The following MROH1 variants were observed in gnomAD, a reference collection of about 807,000 sequenced individuals.
The protein encoded by MROH1 is maestro heat like repeat family member 1, also known as maestro heat-like repeat-containing protein family member 1.
A neutral mutation model predicts 116.5 loss-of-function variants in MROH1; 117 were observed. That is an observed-to-expected ratio of 1.00 (90% confidence interval 0.86 to 1.17). The LOEUF (loss-of-function observed/expected upper bound fraction) is 1.17. Ranked by LOEUF, MROH1 falls within the 50% of genes most tolerant of loss-of-function variation. MROH1 has a pLI of 0.00. For synonymous variants in MROH1, 921 were observed against 583.9 expected (o/e 1.58, Z -8.32); for missense variants, 1,873 against 1,338.5 (o/e 1.40, Z -6.23).
chr8:144,257,773 G>A (rs1057051522), intron 35 of MROH1, among the ~76,000 whole-genome samples: 1,996 of 152,352 alleles, frequency 0.013, 42 homozygotes, highest in African/African-American at 0.045. Context: ...CACCACCAGC[G>A]GTCACCACAC....
chr8:144,220,422 G>T (rs1836462375), intron 12 of MROH1, among the ~76,000 whole-genome samples, 178 bp from the exon 13 acceptor site: 1 of 152,330 alleles, frequency 6.6e-6, no homozygotes, highest in East Asian at 1.9e-4. Flanking sequence ...TAGGTAGAAT[G>T]ATGTTATTTG....
intron 11 of MROH1, among the ~76,000 whole-genome samples, chr8:144,199,417 GC>G (rs1317680531): frequency 6.6e-6 from 1 of 152,156 alleles, no homozygotes; most frequent in Non-Finnish European, 1.5e-5. Context: ...CGAGGAGCGT[GC>G]TGCTGACCTG....
intron 14 of MROH1, among the ~76,000 whole-genome samples, chr8:144,227,239 C>T (rs1402321225): frequency 6.6e-6 from 1 of 152,142 alleles, no homozygotes; most frequent in Non-Finnish European, 1.5e-5. Context: ...TCTTGACTTA[C>T]TACATTGGTG....
Position 144,166,433 on chromosome 8 carries a change from T to C in MROH1, c.23-1862T>C, listed in dbSNP as rs182655987. 2.6e-4 allele frequency among the ~76,000 whole-genome samples: 39 copies of C among 152,254 alleles called. 1 individual carries two copies. The East Asian group carries it at 7.6e-3, about 30-fold the overall frequency. On this transcript the variant is annotated intron_variant, in intron 3 of 43. Transcript: ENST00000326134. ...CTGAGCACGCAGGCCCCGGTTCAGC[T>C]CTGGGGTCCGCTCGGGCTGCCCCCG...
intron 10 of MROH1, among the ~76,000 whole-genome samples, chr8:144,196,863 G>C (rs1377654544): frequency 3.0e-4 from 1 of 3,366 alleles, no homozygotes; most frequent in Non-Finnish European, 0.014. Flanking sequence ...TTGGGAGACC[G>C]AGGCGGTGGA....
intron 14 of MROH1, among the ~76,000 whole-genome samples, chr8:144,234,498 GTTTTTTTTTTTTTTTTTTTTTTT>G (rs1165164431): frequency 1.1e-4 from 2 of 18,090 alleles, no homozygotes; most frequent in African/African-American, 1.7e-4. Flanking sequence ...TTTCTTTTTC[GTTTTTTTTTTTTTTTTTTTTTTT>G]TTTTTTTTTT....
chr8:144,167,545 C>T (rs1487315808), intron 3 of MROH1, among the ~76,000 whole-genome samples: 5 of 148,518 alleles, frequency 3.4e-5, no homozygotes, highest in Non-Finnish European at 7.5e-5. Context: ...GTGGAGTGGC[C>T]AGTTGTTGGG....
In MROH1 at chr8:144,260,994, C is replaced by T. The variant is rs1210207625; in HGVS notation, c.4624C>T (p.Arg1542Ter). ...TTTCCAGAAACACCTGCAGGAGGGCCGAGCCCTGCACTTCGGGGAGTTCCT... is the reference window on the plus strand; with the variant it reads ...TTTCCAGAAACACCTGCAGGAGGGCTGAGCCCTGCACTTCGGGGAGTTCCT... The part of the protein sequence containing the change: ...AAFQKHLQEG[R>*]ALHFGEFLNT... The change falls in exon 41 of 44, where the codon CGA becomes TGA. Residue 1542 changes from arginine (R) to a stop codon, truncating the protein, a stop_gained. Transcript: ENST00000326134. LOFTEE classifies it high-confidence loss of function. The T allele has an allele frequency of 1.2e-5, 9 of 773,594 alleles. No individual in the cohort carries two copies. The highest frequency in any genetic ancestry group is 2.2e-5 in the Non-Finnish European group (9 of 416,890). 47.9% of individuals were successfully genotyped at this position (773,594 alleles called of 1,614,324 possible). A position where few individuals can be genotyped will look rare whatever the true frequency, so the allele number is the denominator to read the frequency against.
intron 3 of MROH1, among the ~76,000 whole-genome samples, chr8:144,167,096 G>A (rs932150248): frequency 3.9e-5 from 6 of 152,198 alleles, no homozygotes; most frequent in South Asian, 2.1e-4. Context: ...GGATGTCCTC[G>A]TTGGCAGCCT....
At chr8:144,259,012 C>T (rs1844459546) in intron 36 of MROH1, 98 bp downstream of exon 36, 2 of 644,602 alleles carry the variant, frequency 3.1e-6, no homozygotes, top group Non-Finnish European at 2.8e-6. Flanking sequence ...CCATGCGTGT[C>T]AGGCCAATGG....
chr8:144,219,313 C>T (rs1241964265), intron 12 of MROH1, among the ~76,000 whole-genome samples: 4 of 152,158 alleles, frequency 2.6e-5, no homozygotes, highest in Admixed American at 2.0e-4. Context: ...TGAGCCACCG[C>T]GCCCGACCAA....
In MROH1 at chr8:144,247,432, T is replaced by C. The variant is rs1588469019; in HGVS notation, c.3003T>C (p.Tyr1001=). ...CCCTGCTGTACCTCCAGCTCGGCTA[T>C]GAGGGTGAGCCCTCGTCAGGAGTGT... The part of the protein sequence containing the change: ...VYSLLYLQLG[Y]EGFSRDYRDD... The change falls in exon 30 of 44, where the codon TAT becomes TAC. Residue 1001 remains tyrosine, a synonymous_variant. Coordinates refer to ENST00000326134, the MANE Select transcript of MROH1 (RefSeq NM_032450.3). 1 of 771,048 alleles carries C rather than the reference T, an allele frequency of 1.3e-6. No individual in the cohort carries two copies. The highest frequency in any genetic ancestry group is 2.5e-5 in the East Asian group (1 of 40,796). The allele number at this position is 771,048 out of a possible 1,614,324, so 47.8% of individuals were successfully genotyped here. A position where few individuals can be genotyped will look rare whatever the true frequency, so the allele number is the denominator to read the frequency against.
In MROH1 at chr8:144,244,516, C is replaced by T. The variant is rs2133004548; in HGVS notation, c.2743C>T (p.Gln915Ter). The change falls in exon 28 of 44, where the codon CAA (glutamine) becomes TAA (stop). Residue 915 changes from glutamine (Q) to a stop codon, truncating the protein, a stop_gained. Coordinates refer to ENST00000326134, the MANE Select transcript of MROH1 (RefSeq NM_032450.3). LOFTEE classifies it high-confidence loss of function. ...CCTCCTGCAGCGGAACATGACCCCC[C>T]AAGGCCTGCAGATCATGATTGAGGT... ...TSLLQRNMTP[Q>*]GLQIMIEHLS... The T allele has an allele frequency of 1.3e-6, 1 of 770,420 alleles. No individual in the cohort carries two copies. The highest frequency in any genetic ancestry group is 2.4e-6 in the Non-Finnish European group (1 of 413,074). 47.7% of individuals were successfully genotyped at this position (770,420 alleles called of 1,614,324 possible).
intron 1 of MROH1, among the ~76,000 whole-genome samples, chr8:144,155,779 G>A (rs1398725603): frequency 4.6e-5 from 7 of 151,354 alleles, no homozygotes; most frequent in Admixed American, 3.3e-4. Flanking sequence ...GACTACAGGC[G>A]CCCACCACCA....
chr8:144,164,346 A>C (rs1016877931), intron 3 of MROH1, among the ~76,000 whole-genome samples: 5 of 148,438 alleles, frequency 3.4e-5, no homozygotes, highest in Admixed American at 6.7e-5. Flanking sequence ...CGGAGGTTGC[A>C]GTGAGCCGAG....
chr8:144,217,956 C>G (rs963322951), intron 12 of MROH1, among the ~76,000 whole-genome samples: 3 of 150,652 alleles, frequency 2.0e-5, no homozygotes, highest in Non-Finnish European at 4.4e-5. Context: ...CAGGATCCCT[C>G]TGGGTGGCTG....
intron 4 of MROH1, 108 bp downstream of exon 4, chr8:144,168,548 G>C (rs531172050): frequency 7.4e-7 from 1 of 1,345,548 alleles, no homozygotes; most frequent in Admixed American, 2.3e-5. Flanking sequence ...CGGGTGTTAC[G>C]CAGGGGTGGC....
chr8:144,207,542 G>A (rs1185328238), intron 12 of MROH1, among the ~76,000 whole-genome samples: 1 of 152,000 alleles, frequency 6.6e-6, no homozygotes, highest in Non-Finnish European at 1.5e-5. Context: ...GTCTCACTAC[G>A]TTACCCAGGC....
chr8:144,200,295 A>G (rs1830808181), intron 11 of MROH1, 133 bp from the exon 12 acceptor site: 1 of 672,890 alleles, frequency 1.5e-6, no homozygotes, highest in Admixed American at 2.9e-5. Flanking sequence ...CCCAGCGATT[A>G]GGTGACCCCA....
Sources: gnomAD v4.1 joint callset for allele counts (sites outside exome capture counted in the v4.1 genomes callset) on GRCh38, gnomAD v4.1.1 for gene constraint, MANE v1.5 for transcripts, NCBI Gene and HGNC (gene_info 2026-07-23, HGNC 2026-07-21) for gene names.